The following CDH18 variants were observed in gnomAD, a reference collection of about 807,000 sequenced individuals.
CDH18 encodes cadherin 18, also known as cadherin-18.
Under a neutral mutation model 67.9 loss-of-function variants are expected in CDH18, and 31 were observed. The ratio of observed to expected loss-of-function variants is 0.46; its 90% CI spans 0.34 to 0.62. The LOEUF (loss-of-function observed/expected upper bound fraction) is 0.62. Ranked by LOEUF, CDH18 falls within the 20% of genes least tolerant of loss-of-function variation. CDH18 has a pLI of 0.01. For missense variants in CDH18, 890 were observed against 975.5 expected (o/e 0.91, Z 1.17); for synonymous variants, 362 against 347.2 (o/e 1.04, Z -0.48).
intron 3 of CDH18, among the ~76,000 whole-genome samples, chr5:19,818,719 G>T (rs1332459982): frequency 4.6e-5 from 7 of 152,078 alleles, no homozygotes; most frequent in Admixed American, 2.0e-4. Context: ...GAATACCATA[G>T]ATAATTGTAA....
chr5:19,968,115 C>T (rs1797646436), intron 2 of CDH18, among the ~76,000 whole-genome samples: 1 of 151,814 alleles, frequency 6.6e-6, no homozygotes, highest in East Asian at 1.9e-4. Flanking sequence ...AATAAAATAC[C>T]TAGGAATCCA....
chr5:19,918,365 T>A (rs545185088), intron 2 of CDH18, among the ~76,000 whole-genome samples: 1 of 152,286 alleles, frequency 6.6e-6, no homozygotes, highest in African/African-American at 2.4e-5. Flanking sequence ...TCATCAGACT[T>A]AATTATTTTA....
intron 2 of CDH18, among the ~76,000 whole-genome samples, chr5:20,161,190 A>G (rs900360769): frequency 5.3e-5 from 8 of 152,222 alleles, no homozygotes; most frequent in African/African-American, 1.9e-4. Context: ...GACTGGATTC[A>G]GTTCCATGTG....
chr5:19,529,526 A>AATTTATTATCTATGAAG (rs1301657277), intron 9 of CDH18, among the ~76,000 whole-genome samples: 1 of 152,022 alleles, frequency 6.6e-6, no homozygotes, highest in Non-Finnish European at 1.5e-5. Context: ...AAAATAAACA[A>AATTTATTATCTATGAAG]ATTTATTATC....
intron 1 of CDH18, among the ~76,000 whole-genome samples, chr5:20,543,412 T>C (rs1757163993): frequency 6.6e-6 from 1 of 152,122 alleles, no homozygotes. Context: ...ACACATTTTG[T>C]GCTAAGCTGT....
At chr5:20,107,338 T>C (rs1747045958) in intron 2 of CDH18, among the ~76,000 whole-genome samples, 1 of 152,184 alleles carries the variant, frequency 6.6e-6, no homozygotes, top group Non-Finnish European at 1.5e-5. Context: ...CCTCCCAAAG[T>C]GCTGTGATTA....
At chr5:19,902,844 T>C (rs12658322) in intron 2 of CDH18, among the ~76,000 whole-genome samples, 53,691 of 152,004 alleles carry the variant, frequency 0.35, 11,195 homozygotes, top group Middle Eastern at 0.56. Context: ...TATCTATCTA[T>C]ATCTTGCAAG....
Position 20,103,150 on chromosome 5 carries a change from C to T in CDH18, c.-517-111136G>A, listed in dbSNP as rs1580248947. On this transcript the variant is annotated intron_variant, in intron 2 of 14. Coordinates refer to the CDH18 transcript ENST00000507958. ...GTCATGCGTCCCCAGTACAGACAAG[C>T]GTTCTTTGAAACATCCCTTGTCAAA... 2.0e-5 allele frequency among the ~76,000 whole-genome samples: 3 copies of T among 152,148 alleles called. No homozygotes were observed. The South Asian group carries it at 6.2e-4, about 31-fold the overall frequency.
chr5:19,848,400 G>C (rs1306231483), intron 2 of CDH18, among the ~76,000 whole-genome samples: 1 of 152,098 alleles, frequency 6.6e-6, no homozygotes. Flanking sequence ...TTTCCTATCA[G>C]CTTAGATTCA....
At chr5:19,813,912 A>C (rs191609058) in intron 3 of CDH18, among the ~76,000 whole-genome samples, 1 of 151,964 alleles carries the variant, frequency 6.6e-6, no homozygotes, top group Non-Finnish European at 1.5e-5. Flanking sequence ...TTTCACTTAC[A>C]TGTGTGTTAA....
chr5:20,272,050 T>C (rs1036878258), intron 1 of CDH18, among the ~76,000 whole-genome samples: 6 of 152,128 alleles, frequency 3.9e-5, no homozygotes, highest in African/African-American at 1.2e-4. Flanking sequence ...GAGGTGAACA[T>C]TTCCAGTCTA....
chr5:19,614,925 A>T (rs907776209), intron 5 of CDH18, among the ~76,000 whole-genome samples: 3 of 152,168 alleles, frequency 2.0e-5, no homozygotes, highest in East Asian at 3.9e-4. Flanking sequence ...AGGCAGGCAG[A>T]TCACGAGGTC....
chr5:19,657,654 T>C (rs2150298667), intron 5 of CDH18, among the ~76,000 whole-genome samples: 1 of 152,262 alleles, frequency 6.6e-6, no homozygotes, highest in Admixed American at 6.6e-5. Flanking sequence ...ACACTTTTAG[T>C]TTTGCTGAAT....
intron 1 of CDH18, among the ~76,000 whole-genome samples, chr5:20,460,429 A>C: frequency 6.6e-6 from 1 of 151,352 alleles, no homozygotes; most frequent in Admixed American, 6.6e-5. Context: ...ATAAATAAAT[A>C]AATAAATAAA....
At chr5:20,447,243 T>G (rs1750070485) in intron 1 of CDH18, among the ~76,000 whole-genome samples, 1 of 152,168 alleles carries the variant, frequency 6.6e-6, no homozygotes, top group Non-Finnish European at 1.5e-5. Context: ...ATTTACCCCA[T>G]TATTATGGTT....
chr5:20,491,542 C>T (rs1753584997), intron 1 of CDH18, among the ~76,000 whole-genome samples: 1 of 152,096 alleles, frequency 6.6e-6, no homozygotes, highest in African/African-American at 2.4e-5. Context: ...AAGGAAAGAG[C>T]CAAAGTTATT....
chr5:20,221,668 A>T (rs2126452240), intron 2 of CDH18, among the ~76,000 whole-genome samples: 1 of 152,248 alleles, frequency 6.6e-6, no homozygotes, highest in Non-Finnish European at 1.5e-5. Flanking sequence ...GGTGATGGAT[A>T]CCCAATTTAC....
At chr5:19,791,767 T>C (rs1202253509) in intron 3 of CDH18, among the ~76,000 whole-genome samples, 2 of 152,194 alleles carry the variant, frequency 1.3e-5, no homozygotes, top group African/African-American at 2.4e-5. Flanking sequence ...AAACTCCGAA[T>C]GTGAATCAGA....
chr5:20,541,027 G>C (rs986143907), intron 1 of CDH18, among the ~76,000 whole-genome samples: 1 of 152,156 alleles, frequency 6.6e-6, no homozygotes, highest in Non-Finnish European at 1.5e-5. Flanking sequence ...ATTCGGAGTA[G>C]GGCTACGTGC....
Sources: allele counts gnomAD v4.1 joint callset (sites outside exome capture counted in the v4.1 genomes callset), GRCh38; gene constraint gnomAD v4.1.1; transcripts MANE v1.5; gene names NCBI Gene and HGNC (gene_info 2026-07-23, HGNC 2026-07-21).